NRXN3: variants seen among roughly 807,000 people sequenced by gnomAD.
The protein encoded by NRXN3 is neurexin III.
NRXN3 carries 32 observed loss-of-function variants against 137.6 expected under a neutral mutation model. The ratio of observed to expected loss-of-function variants is 0.23; its 90% CI spans 0.18 to 0.31. The LOEUF is 0.31. Among genes scored for constraint, NRXN3 ranks in the 10% least tolerant of loss-of-function variants. The pLI is 1.00. For synonymous variants in NRXN3, 798 were observed against 784.5 expected (o/e 1.02, Z -0.29); for missense variants, 1,574 against 2,062.5 (o/e 0.76, Z 4.59).
At chr14:79,130,346 C>T (rs2057272471) in intron 15 of NRXN3, among the ~76,000 whole-genome samples, 2 of 152,084 alleles carry the variant, frequency 1.3e-5, no homozygotes, top group African/African-American at 2.4e-5. Flanking sequence ...TTAGCACTTC[C>T]TTCAGGAGCT....
chr14:79,511,734 A>C (rs557346644), intron 16 of NRXN3, among the ~76,000 whole-genome samples: 9 of 152,290 alleles, frequency 5.9e-5, no homozygotes, highest in Non-Finnish European at 8.8e-5. Flanking sequence ...TGCCTGCTCC[A>C]AATCCTATGT....
chr14:79,285,701 C>T (rs1378214662), intron 15 of NRXN3, among the ~76,000 whole-genome samples: 1 of 152,102 alleles, frequency 6.6e-6, no homozygotes, highest in Non-Finnish European at 1.5e-5. Flanking sequence ...GGATTAGGGT[C>T]CTCCCTAAAA....
At chr14:79,215,480 A>G (rs1302139610) in intron 15 of NRXN3, among the ~76,000 whole-genome samples, 1 of 152,166 alleles carries the variant, frequency 6.6e-6, no homozygotes, top group Non-Finnish European at 1.5e-5. Flanking sequence ...AAGAAGTTTA[A>G]TGTACTCACA....
intron 15 of NRXN3, among the ~76,000 whole-genome samples, chr14:79,092,125 G>A (rs2049313872): frequency 6.6e-6 from 1 of 152,146 alleles, no homozygotes; most frequent in South Asian, 2.1e-4. Flanking sequence ...TGAAATTAAA[G>A]TTGTGAAAGA....
At chr14:78,699,175 G>A (rs1440056726) in intron 6 of NRXN3, among the ~76,000 whole-genome samples, 1 of 152,060 alleles carries the variant, frequency 6.6e-6, no homozygotes, top group Admixed American at 6.6e-5. Context: ...AGCCATGGGG[G>A]CGGAGAGGAA....
intron 15 of NRXN3, among the ~76,000 whole-genome samples, chr14:79,306,083 G>C (rs113946759): frequency 6.6e-6 from 1 of 152,078 alleles, no homozygotes. Context: ...TGTGTTGACC[G>C]TAAGTTCTTC....
chr14:78,593,515 CT>C (rs920941805), intron 4 of NRXN3, among the ~76,000 whole-genome samples: 1 of 152,160 alleles, frequency 6.6e-6, no homozygotes, highest in African/African-American at 2.4e-5. Context: ...TTATCTGGCC[CT>C]TGTGAGAGCT....
chr14:79,364,078 A>T (rs889924396), intron 15 of NRXN3, among the ~76,000 whole-genome samples: 1 of 152,188 alleles, frequency 6.6e-6, no homozygotes, highest in Admixed American at 6.5e-5. Context: ...CCATATCTGT[A>T]TGGCTATCAT....
At chr14:78,545,152 A>G (rs1368386742) in intron 4 of NRXN3, among the ~76,000 whole-genome samples, 1 of 152,174 alleles carries the variant, frequency 6.6e-6, no homozygotes, top group Non-Finnish European at 1.5e-5. Flanking sequence ...AGGAAGGTGG[A>G]CAGTCTGGGA....
Position 78,968,335 on chromosome 14 carries a change from G to T in NRXN3, c.3131G>T (p.Arg1044Leu). Reference protein sequence around the residue: ...DALHRSGQIERGCEGPSTTCQ... With the variant: ...DALHRSGQIELGCEGPSTTCQ... Reference sequence around the variant, plus strand: ...CTTCATCGGAGCGGACAGATCGAGCGTGGCTGTGAAGGTACAACCTATTTT... The same window carrying T: ...CTTCATCGGAGCGGACAGATCGAGCTTGGCTGTGAAGGTACAACCTATTTT... Residue 1044 changes from arginine to leucine, a missense_variant, in exon 14 of 21, where the codon CGT becomes CTT. Coordinates refer to ENST00000335750, the MANE Select transcript of NRXN3 (RefSeq NM_001330195.2). 6.2e-7 allele frequency: 1 copy of T among 1,613,332 alleles called. No homozygotes were observed. The highest frequency in any genetic ancestry group is 8.5e-7 in the Non-Finnish European group (1 of 1,179,508).
At chr14:79,025,990 C>A (rs2099597386) in intron 15 of NRXN3, among the ~76,000 whole-genome samples, 1 of 152,082 alleles carries the variant, frequency 6.6e-6, no homozygotes, top group Admixed American at 6.6e-5. Context: ...AATGGAACAG[C>A]AGAAGTCCAG....
At chr14:79,722,433 T>A (rs189869545) in intron 19 of NRXN3, among the ~76,000 whole-genome samples, 7 of 152,244 alleles carry the variant, frequency 4.6e-5, no homozygotes, top group Admixed American at 6.5e-5. Flanking sequence ...CAACTCATAT[T>A]ACCCTACCCT....
intron 15 of NRXN3, among the ~76,000 whole-genome samples, chr14:79,211,827 T>C (rs1233814056): frequency 1.3e-5 from 2 of 152,138 alleles, no homozygotes; most frequent in Non-Finnish European, 2.9e-5. Context: ...ATCCAAAACA[T>C]GATAAACACT....
intron 15 of NRXN3, among the ~76,000 whole-genome samples, chr14:79,011,349 T>G (rs1323042212): frequency 7.4e-6 from 1 of 135,674 alleles, no homozygotes; most frequent in Non-Finnish European, 1.5e-5. Flanking sequence ...TTCCTTTTAA[T>G]GGGCTGGATT....
chr14:78,945,247 T>C (rs1448048483), intron 10 of NRXN3, among the ~76,000 whole-genome samples: 1 of 152,232 alleles, frequency 6.6e-6, no homozygotes. Flanking sequence ...GAGAGGTATT[T>C]GTCTCTGAGC....
chr14:78,818,402 A>G (rs1168925721), intron 10 of NRXN3, among the ~76,000 whole-genome samples: 1 of 152,126 alleles, frequency 6.6e-6, no homozygotes, highest in East Asian at 1.9e-4. Flanking sequence ...AATTGTTAAG[A>G]ATCAACATGC....
At chr14:78,624,576 A>G (rs1156535150) in intron 4 of NRXN3, among the ~76,000 whole-genome samples, 3 of 152,128 alleles carry the variant, frequency 2.0e-5, no homozygotes, top group Non-Finnish European at 4.4e-5. Context: ...TTTTGTTGGG[A>G]AGAGGCTCAC....
At chr14:78,787,392 G>A (rs953433827) in intron 8 of NRXN3, among the ~76,000 whole-genome samples, 1 of 152,068 alleles carries the variant, frequency 6.6e-6, no homozygotes, top group African/African-American at 2.4e-5. Context: ...TTAACCACTA[G>A]ATTAGATAAG....
chr14:78,234,652 G>T (rs1196262366), intron 1 of NRXN3, among the ~76,000 whole-genome samples: 2 of 152,110 alleles, frequency 1.3e-5, no homozygotes, highest in African/African-American at 2.4e-5. Context: ...CCCACACTTG[G>T]CAGAGTCTGC....
Sources: allele counts gnomAD v4.1 joint callset (sites outside exome capture counted in the v4.1 genomes callset), GRCh38; gene constraint gnomAD v4.1.1; transcripts MANE v1.5; gene names NCBI Gene and HGNC (gene_info 2026-07-23, HGNC 2026-07-21).